The following MRTFA variants were observed in gnomAD, a reference collection of about 807,000 sequenced individuals.
The protein encoded by MRTFA is myocardin related transcription factor A, also known as myocardin-related transcription factor A.
MRTFA carries 20 observed loss-of-function variants against 83.5 expected under a neutral mutation model. The observed-to-expected ratio is 0.24, with a 90% confidence interval of 0.17 to 0.35. The LOEUF (loss-of-function observed/expected upper bound fraction) is 0.35. MRTFA is among the 10% of genes least tolerant of loss of function. The pLI is 1.00. For missense variants in MRTFA, 1,200 were observed against 1,224.7 expected (o/e 0.98, Z 0.30); for synonymous variants, 659 against 541.2 (o/e 1.22, Z -3.02).
chr22:40,611,795 T>C (rs2056390929), intron 1 of MRTFA, among the ~76,000 whole-genome samples: 1 of 152,198 alleles, frequency 6.6e-6, no homozygotes, highest in African/African-American at 2.4e-5. Context: ...ATGAAGATGG[T>C]ACACAGCTAT....
intron 2 of MRTFA, among the ~76,000 whole-genome samples, chr22:40,566,455 C>T (rs908942113): frequency 2.0e-5 from 3 of 152,092 alleles, no homozygotes; most frequent in South Asian, 2.1e-4. Flanking sequence ...CTCCTGACCT[C>T]GTGATCCACC....
intron 3 of MRTFA, among the ~76,000 whole-genome samples, chr22:40,500,353 T>TC (rs1414255131): frequency 6.7e-6 from 1 of 149,840 alleles, no homozygotes; most frequent in African/African-American, 2.4e-5. Flanking sequence ...TTTTTATTTT[T>TC]TTTTTAACAT....
At chr22:40,560,667 C>A (rs2055599819) in intron 2 of MRTFA, among the ~76,000 whole-genome samples, 1 of 152,152 alleles carries the variant, frequency 6.6e-6, no homozygotes, top group Admixed American at 6.5e-5. Flanking sequence ...ATCAAAGGAT[C>A]AGTAACTCCA....
intron 3 of MRTFA, among the ~76,000 whole-genome samples, chr22:40,467,262 AAG>A (rs1325080890): frequency 6.6e-6 from 1 of 152,188 alleles, no homozygotes; most frequent in East Asian, 1.9e-4. Flanking sequence ...AATGGTTACA[AAG>A]AGGGGGAAAA....
chr22:40,457,418 CAGAA>C (rs949848820), intron 4 of MRTFA, among the ~76,000 whole-genome samples: 6 of 91,360 alleles, frequency 6.6e-5, no homozygotes, highest in Non-Finnish European at 1.3e-4. Context: ...GAGAGAGAGA[CAGAA>C]TGAAAGAAAG....
chr22:40,466,210 T>C (rs2053810503), intron 3 of MRTFA, among the ~76,000 whole-genome samples: 1 of 152,164 alleles, frequency 6.6e-6, no homozygotes, highest in African/African-American at 2.4e-5. Flanking sequence ...ATTATAACCA[T>C]AGATCAGCAA....
chr22:40,424,203 C>T lies in MRTFA; in HGVS notation c.777+3G>A. 6.3e-7 allele frequency: 1 copy of T among 1,592,360 alleles called. No individual in the cohort carries two copies. Reference sequence around the variant, plus strand: ...GGGGAAGCATCTGGAAGCACACACTCACCTGGGTGGGGGATGCAGAGGTGG... The same window carrying T: ...GGGGAAGCATCTGGAAGCACACACTTACCTGGGTGGGGGATGCAGAGGTGG... On this transcript the variant is annotated splice_donor_region_variant and intron_variant, in intron 8 of 14. Transcript: ENST00000355630.
chr22:40,562,293 T>A (rs2055631805), intron 2 of MRTFA, among the ~76,000 whole-genome samples: 1 of 149,120 alleles, frequency 6.7e-6, no homozygotes, highest in South Asian at 2.1e-4. Flanking sequence ...TTTCCAGACA[T>A]CCCCACACCA....
intron 1 of MRTFA, among the ~76,000 whole-genome samples, chr22:40,605,036 T>C (rs2056303098): frequency 6.6e-6 from 1 of 152,176 alleles, no homozygotes; most frequent in African/African-American, 2.4e-5. Context: ...CACGAATCAT[T>C]TATTTTTGAC....
intron 4 of MRTFA, among the ~76,000 whole-genome samples, chr22:40,447,301 T>C (rs984314218): frequency 2.7e-5 from 4 of 149,374 alleles, no homozygotes; most frequent in African/African-American, 9.9e-5. Flanking sequence ...TGTGATGAGC[T>C]AAGACTGAGC....
intron 3 of MRTFA, among the ~76,000 whole-genome samples, chr22:40,543,479 A>G (rs912870716): frequency 6.6e-6 from 1 of 152,212 alleles, no homozygotes; most frequent in Admixed American, 6.5e-5. Flanking sequence ...TTTCCTGCTT[A>G]CTTTTCTTTA....
intron 1 of MRTFA, among the ~76,000 whole-genome samples, chr22:40,625,124 C>A (rs779251325): frequency 5.9e-4 from 90 of 151,950 alleles, no homozygotes; most frequent in African/African-American, 2.1e-3. Flanking sequence ...CCTAACCCCC[C>A]AAAAAAACAT....
intron 3 of MRTFA, among the ~76,000 whole-genome samples, chr22:40,520,094 C>G (rs1292334996): frequency 1.3e-5 from 2 of 152,102 alleles, no homozygotes; most frequent in Non-Finnish European, 2.9e-5. Context: ...CCTTTGTATT[C>G]AATTTCTCCT....
intron 3 of MRTFA, among the ~76,000 whole-genome samples, chr22:40,548,358 C>CAAAAAAA (rs10664022): frequency 1.5e-5 from 1 of 66,162 alleles, no homozygotes; most frequent in Non-Finnish European, 2.6e-5. Flanking sequence ...GACTCCGTCT[C>CAAAAAAA]AAAAAAAAAA....
In MRTFA at chr22:40,606,449, C is replaced by T. The variant is rs201488244; in HGVS notation, c.-83-11714G>A. 8.5e-5 allele frequency among the ~76,000 whole-genome samples: 13 copies of T among 152,294 alleles called. No homozygotes were observed. In the East Asian group the frequency reaches 1.5e-3, roughly 18 times the overall value. ...TCACTTTATCTTGACCACACCCCAA[C>T]AAGATTAAGTATATTTCCACTTTAC... On this transcript the variant is annotated intron_variant, in intron 1 of 14. Transcript: ENST00000355630.
At chr22:40,423,190 C>T (rs1021568944) in intron 9 of MRTFA, among the ~76,000 whole-genome samples, 4 of 152,232 alleles carry the variant, frequency 2.6e-5, no homozygotes, top group East Asian at 1.9e-4. Context: ...ACTCTGGCCG[C>T]GTCACTTCAC....
At chr22:40,590,550 CCAGTTA>C in intron 2 of MRTFA, among the ~76,000 whole-genome samples, 1 of 151,404 alleles carries the variant, frequency 6.6e-6, no homozygotes, top group Non-Finnish European at 1.5e-5. Context: ...ACCTGTAATC[CCAGTTA>C]CTCAGGAGGC....
intron 3 of MRTFA, among the ~76,000 whole-genome samples, chr22:40,544,952 AAAAT>A (rs945412735): frequency 7.9e-4 from 118 of 150,314 alleles, no homozygotes; most frequent in African/African-American, 2.8e-3. Context: ...ATAAATAAAT[AAAAT>A]AAATATATAT....
intron 3 of MRTFA, among the ~76,000 whole-genome samples, chr22:40,479,844 T>C (rs898292603): frequency 1.3e-5 from 2 of 152,148 alleles, no homozygotes; most frequent in African/African-American, 4.8e-5. Flanking sequence ...CAAAATATAA[T>C]AGATATCTTC....
Sources: gnomAD v4.1 joint callset for allele counts (sites outside exome capture counted in the v4.1 genomes callset) on GRCh38, gnomAD v4.1.1 for gene constraint, MANE v1.5 for transcripts, NCBI Gene and HGNC (gene_info 2026-07-23, HGNC 2026-07-21) for gene names.